Variants in PCDHA8 observed in about 807,000 individuals in gnomAD.
PCDHA8 encodes protocadherin alpha 8, also known as protocadherin alpha-8.
A neutral mutation model predicts 61.8 loss-of-function variants in PCDHA8; 53 were observed. The observed-to-expected ratio is 0.86, with a 90% CI of 0.69 to 1.08. The LOEUF (loss-of-function observed/expected upper bound fraction) is 1.08. Among genes scored for constraint, PCDHA8 ranks in the 50% least tolerant of loss-of-function variants. The probability of loss-of-function intolerance (pLI) is 0.00; values close to 1 mark genes in which losing one functional copy is unlikely to be tolerated. For missense variants in PCDHA8, 1,293 were observed against 1,245.0 expected, an observed-to-expected ratio of 1.04 and a Z score of -0.58; for synonymous variants, 618 against 556.6, an observed-to-expected ratio of 1.11 and a Z score of -1.55.
At chr5:140,920,388 T>C (rs1237249131) in intron 1 of PCDHA8, among the ~76,000 whole-genome samples, 1 of 152,214 alleles carries the variant, frequency 6.6e-6, no homozygotes, top group Non-Finnish European at 1.5e-5. Context: ...CATATTACCA[T>C]CTGGTGTCTT....
At chr5:140,844,051 C>T (rs1562419039) in intron 1 of PCDHA8, among the ~76,000 whole-genome samples, 1 of 149,544 alleles carries the variant, frequency 6.7e-6, no homozygotes, top group Non-Finnish European at 1.5e-5. Context: ...AGTATTCCCC[C>T]AAAGCGTTTA....
chr5:141,003,685 A>G (rs782131958), intron 3 of PCDHA8, among the ~76,000 whole-genome samples: 12 of 152,198 alleles, frequency 7.9e-5, no homozygotes, highest in Non-Finnish European at 1.2e-4. Flanking sequence ...TCTGATTTTA[A>G]AATATATCCC....
chr5:140,878,790 CTT>C (rs2057728380), intron 1 of PCDHA8, among the ~76,000 whole-genome samples: 1 of 152,154 alleles, frequency 6.6e-6, no homozygotes. Context: ...TGTTCAATCA[CTT>C]TTTAAAAACA....
chr5:140,906,258 C>T (rs1162219070), intron 1 of PCDHA8, among the ~76,000 whole-genome samples: 4 of 152,180 alleles, frequency 2.6e-5, no homozygotes, highest in African/African-American at 9.7e-5. Flanking sequence ...TACACACCTC[C>T]TGAAATTATA....
chr5:140,854,743 GAT>G lies in PCDHA8; in HGVS notation c.2394+11033_2394+11034del, dbSNP rs1554147428. The G allele has an allele frequency of 2.0e-5, 3 of 149,440 alleles. 1 individual carries two copies. The highest frequency in any genetic ancestry group is 7.4e-5 in the African/African-American group (3 of 40,774). 9.3% of individuals were successfully genotyped at this position (149,440 alleles called of 1,614,324 possible). On this transcript the variant is annotated intron_variant, in intron 1 of 3. Coordinates refer to ENST00000531613, the MANE Select transcript of PCDHA8 (RefSeq NM_018911.3). ...AACTCAAGTTTTTTTCAGCAGCACAGATATATTACATTTTCATTCCTGAATAT... is the reference window on the plus strand; with the variant it reads ...AACTCAAGTTTTTTTCAGCAGCACAGATATTACATTTTCATTCCTGAATAT...
Position 140,850,172 on chromosome 5 carries a change from C to T in PCDHA8, c.2394+6457C>T, listed in dbSNP as rs2150470572. The T allele has an allele frequency of 5.0e-6, 8 of 1,594,262 alleles. 1 individual carries two copies. In the Admixed American group the frequency reaches 6.7e-5, roughly 13 times the overall value. On this transcript the variant is annotated intron_variant, in intron 1 of 3. Coordinates refer to ENST00000531613, the MANE Select transcript of PCDHA8 (RefSeq NM_018911.3). The stretch of plus-strand genomic sequence containing the variant: ...TGCAGGTGTTCGTGCTGGACGAGAA[C>T]GACAATGCGCCGGCGCTGCTGACAC...
intron 1 of PCDHA8, among the ~76,000 whole-genome samples, chr5:140,944,130 G>C (rs141500614): frequency 3.9e-4 from 60 of 152,256 alleles, no homozygotes; most frequent in Non-Finnish European, 7.9e-4. Context: ...AGAAGAAAAG[G>C]TTGAAGATTA....
At position 140,870,607 on chromosome 5, in the gene PCDHA8, G is replaced by T. The variant is rs782060261; in HGVS notation, c.2394+26892G>T. 15 of 1,613,098 alleles carry T rather than the reference G, an allele frequency of 9.3e-6. No individual in the cohort carries two copies. The Middle Eastern group carries it at 5.1e-4, about 55-fold the overall frequency. ...GGTGGAGCGGCGGTTGGGCGACCGCGCGCTGTCGAGCTACGTGTCGGTGCA... is the reference window on the plus strand; with the variant it reads ...GGTGGAGCGGCGGTTGGGCGACCGCTCGCTGTCGAGCTACGTGTCGGTGCA... On this transcript the variant is annotated intron_variant, in intron 1 of 3. Transcript: ENST00000531613.
chr5:140,914,126 G>T (rs2076615202), intron 1 of PCDHA8, among the ~76,000 whole-genome samples: 1 of 152,132 alleles, frequency 6.6e-6, no homozygotes, highest in Non-Finnish European at 1.5e-5. Context: ...ATGTTTCTTT[G>T]TTGAGTTTTT....
chr5:140,856,649 C>T, intron 1 of PCDHA8: 1 of 1,598,072 alleles, frequency 6.3e-7, no homozygotes, highest in South Asian at 1.1e-5. Context: ...GCTGCTGGAT[C>T]GTGAAGAAAA....
intron 3 of PCDHA8, among the ~76,000 whole-genome samples, chr5:140,984,528 T>C (rs1187541000): frequency 7.2e-5 from 11 of 152,216 alleles, no homozygotes; most frequent in African/African-American, 2.4e-4. Flanking sequence ...ACAGTCTTCA[T>C]GGACTGTGCT....
intron 1 of PCDHA8, among the ~76,000 whole-genome samples, chr5:140,919,051 T>G (rs1443609855): frequency 1.3e-5 from 2 of 152,238 alleles, no homozygotes; most frequent in Non-Finnish European, 2.9e-5. Flanking sequence ...TTATTGGAAG[T>G]GGAGTATTAA....
At position 140,851,423 on chromosome 5, in the gene PCDHA8, A is replaced by T. The variant is rs967768563; in HGVS notation, c.2394+7708A>T. 1.1e-5 allele frequency: 10 copies of T among 949,488 alleles called. 1 individual carries two copies. Among genetic ancestry groups the T allele is most frequent in the Non-Finnish European group, 1.3e-5 (10 of 784,130 alleles). 58.8% of individuals were successfully genotyped at this position (949,488 alleles called of 1,614,324 possible). On this transcript the variant is annotated intron_variant, in intron 1 of 3. Coordinates refer to ENST00000531613, the MANE Select transcript of PCDHA8 (RefSeq NM_018911.3). ...TTAATAAGAAAGAAACTTCCCCTAA[A>T]CTTTAGAAAACAGTTGCTCCACTTT...
chr5:140,914,207 A>G (rs1485868934), intron 1 of PCDHA8, among the ~76,000 whole-genome samples: 4 of 152,060 alleles, frequency 2.6e-5, no homozygotes, highest in African/African-American at 9.7e-5. Context: ...TGTGATCTCT[A>G]TCTCTCTTTT....
intron 1 of PCDHA8, chr5:140,927,113 A>G (rs782135853): frequency 1.9e-6 from 3 of 1,613,684 alleles, no homozygotes; most frequent in African/African-American, 1.3e-5. Context: ...CCCAGCGGCA[A>G]TTTGGTGGTC....
At chr5:140,929,294 G>A in intron 1 of PCDHA8, 1 of 1,594,058 alleles carries the variant, frequency 6.3e-7, no homozygotes, top group Non-Finnish European at 8.6e-7. Flanking sequence ...ATTCGGAATA[G>A]GAAAGGGGAT....
chr5:140,884,260 G>A (rs781862611), intron 1 of PCDHA8: 19 of 1,613,410 alleles, frequency 1.2e-5, no homozygotes, highest in Non-Finnish European at 1.5e-5. Flanking sequence ...CCACGGCAAC[G>A]GTGCTGTTGT....
chr5:140,932,261 T>C (rs1554208805), intron 1 of PCDHA8, among the ~76,000 whole-genome samples: 1 of 151,922 alleles, frequency 6.6e-6, no homozygotes, highest in East Asian at 1.9e-4. Context: ...CTCTGAGATA[T>C]AAATTTCTAC....
intron 1 of PCDHA8, chr5:140,865,253 G>T (rs782676084): frequency 6.6e-6 from 1 of 152,152 alleles, no homozygotes; most frequent in Non-Finnish European, 1.5e-5. Context: ...TAGCTGTAAG[G>T]ATGTGTATCA....
Sources: allele counts gnomAD v4.1 joint callset (sites outside exome capture counted in the v4.1 genomes callset), GRCh38; gene constraint gnomAD v4.1.1; transcripts MANE v1.5; gene names NCBI Gene and HGNC (gene_info 2026-07-23, HGNC 2026-07-21).